OSBPL3: variants seen among roughly 807,000 people sequenced by gnomAD.
OSBPL3 encodes oxysterol binding protein like 3.
OSBPL3 carries 65 observed loss-of-function variants against 120.1 expected under a neutral mutation model. The ratio of observed to expected loss-of-function variants is 0.54; its 90% CI spans 0.44 to 0.67. The LOEUF (loss-of-function observed/expected upper bound fraction) is 0.67, where lower values mean the gene tolerates loss of function less well. Ranked by LOEUF, OSBPL3 falls within the 30% of genes least tolerant of loss-of-function variation. The pLI is 0.00. For missense variants in OSBPL3, 1,004 were observed against 1,082.1 expected (o/e 0.93, Z 1.01); for synonymous variants, 416 against 402.6 (o/e 1.03, Z -0.40).
In OSBPL3 at chr7:24,815,406, T is replaced by G. The variant is rs576023038; in HGVS notation, c.2028-203A>C. On this transcript the variant is annotated intron_variant, in intron 18 of 22. Transcript: ENST00000313367. The surrounding 1 kb of genome is among the most constrained non-coding windows in gnomAD (Gnocchi z 5.1). ...AAGGAGGCATGCATGCCACAGAGAA[T>G]GACAGCATTCAGACTTTGCACTCTG... is the stretch of plus-strand genomic sequence containing the variant. Among the ~76,000 whole-genome samples the G allele has an allele frequency of 2.6e-5, 4 of 152,300 alleles. No homozygotes were observed. In the South Asian group the frequency reaches 8.3e-4, roughly 32 times the overall value.
At chr7:24,882,401 C>T (rs1803835846) in intron 2 of OSBPL3, among the ~76,000 whole-genome samples, 1 of 152,156 alleles carries the variant, frequency 6.6e-6, no homozygotes, top group African/African-American at 2.4e-5. Context: ...TGACCTGGTC[C>T]AGTTCCATCC....
chr7:24,815,221 G>A lies in OSBPL3; in HGVS notation c.2028-18C>T, dbSNP rs377727563. ...CCCCAAAACTAAAAAGAAGGAAAAA[G>A]TAGAAGTACCAATTTCTAGAAGAGC... On this transcript the variant is annotated intron_variant, in intron 18 of 22. Transcript: ENST00000313367. The surrounding 1 kb of genome is among the most constrained non-coding windows in gnomAD (Gnocchi z 5.1). 248 of 1,607,452 alleles carry A rather than the reference G, an allele frequency of 1.5e-4. No homozygotes were observed. The highest frequency in any genetic ancestry group is 2.0e-4 in the Non-Finnish European group (239 of 1,176,958).
chr7:24,866,638 CA>C (rs113620003), intron 5 of OSBPL3, among the ~76,000 whole-genome samples: 30,583 of 148,932 alleles, frequency 0.21, 3,396 homozygotes, highest in East Asian at 0.39. Flanking sequence ...GAGACTGTCT[CA>C]AAAAAAAATA....
In OSBPL3 at chr7:24,834,374, A is replaced by C. The variant is rs1796739049; in HGVS notation, c.1746+112T>G. ...TGAGTAATGAACCTGTTTACGGAAC[A>C]ATCAAAATGAAACCGGAGGGAACAG... is the stretch of plus-strand genomic sequence containing the variant. On this transcript the variant is annotated intron_variant, in intron 15 of 22. Transcript: ENST00000313367. The surrounding 1 kb of genome is among the most constrained non-coding windows in gnomAD (Gnocchi z 5.2). The C allele has an allele frequency of 6.6e-7, 1 of 1,516,292 alleles. No homozygotes were observed. The allele number at this position is 1,516,292 out of a possible 1,614,324, so 93.9% of individuals were successfully genotyped here.
rs1801480046 is a variant in OSBPL3, at chr7:24,867,417, T to A, written c.382-1180A>T. Among the ~76,000 whole-genome samples the A allele has an allele frequency of 6.6e-6, 1 of 152,160 alleles. No homozygotes were observed. The highest frequency in any genetic ancestry group is 1.5e-5 in the Non-Finnish European group (1 of 68,020). Reference sequence around the variant, plus strand: ...GGCTGTGTCCCATGTCCCACCCAAATCTCATCCTGAATTCCCACATTTTGT... The same window carrying A: ...GGCTGTGTCCCATGTCCCACCCAAAACTCATCCTGAATTCCCACATTTTGT... On this transcript the variant is annotated intron_variant, in intron 5 of 22. Coordinates refer to ENST00000313367, the MANE Select transcript of OSBPL3 (RefSeq NM_015550.4). This position sits in a 1 kb window ranked among gnomAD's most constrained non-coding sequence, Gnocchi z 4.5.
At chr7:24,826,142 C>T (rs369751981) in intron 16 of OSBPL3, among the ~76,000 whole-genome samples, 3 of 152,174 alleles carry the variant, frequency 2.0e-5, no homozygotes, top group Non-Finnish European at 4.4e-5. Context: ...AGCAGGAGGA[C>T]GCAGCAAGCA....
intron 1 of OSBPL3, among the ~76,000 whole-genome samples, chr7:24,941,984 AG>A (rs1460857031): frequency 2.0e-5 from 3 of 152,274 alleles, no homozygotes; most frequent in African/African-American, 7.2e-5. Context: ...CTAAGGACTC[AG>A]GGCTGTGTTT....
chr7:24,901,698 C>T (rs193064773), intron 1 of OSBPL3, among the ~76,000 whole-genome samples: 2 of 152,158 alleles, frequency 1.3e-5, no homozygotes, highest in Non-Finnish European at 2.9e-5. Flanking sequence ...CTTTGGTATT[C>T]CTAAACCTCC....
At position 24,835,074 on chromosome 7, in the gene OSBPL3, T is replaced by A. The variant is rs1412206910; in HGVS notation, c.1496-338A>T. ...TGTTTATAAAAACTTGTAAACTTTT[T>A]AAAAAATCACTTTAAATTCTGGTAA... On this transcript the variant is annotated intron_variant, in intron 14 of 22. Coordinates refer to ENST00000313367, the MANE Select transcript of OSBPL3 (RefSeq NM_015550.4). The surrounding 1 kb of genome is among the most constrained non-coding windows in gnomAD (Gnocchi z 4.8). Among the ~76,000 whole-genome samples, 1 of 152,204 alleles carries A rather than the reference T, an allele frequency of 6.6e-6. No homozygotes were observed. The highest frequency in any genetic ancestry group is 1.5e-5 in the Non-Finnish European group (1 of 68,032).
Position 24,849,106 on chromosome 7 carries a change from G to A in OSBPL3, c.1229C>T (p.Ser410Phe), listed in dbSNP as rs746125120. 11 of 1,614,048 alleles carry A rather than the reference G, an allele frequency of 6.8e-6. No homozygotes were observed. Among genetic ancestry groups the A allele is most frequent in the Non-Finnish European group, 9.3e-6 (11 of 1,179,910 alleles). ...GTCACCCGACTTGGCGACAGCGGGG[G>A]AGTCGAGGAGCAGAGACTCGGCATG... ...RIHAESLLLD[S>F]PAVAKSGDNL... Residue 410 changes from serine to phenylalanine, a missense_variant, in exon 12 of 23, where the codon TCC becomes TTC. Physicochemically the swap from Ser to Phe is radical, Grantham distance 155. Around this residue, in one of 4 missense-constraint regions of OSBPL3, gnomAD observed 272 missense variants for 248.8 expected, o/e 1.09. Coordinates refer to ENST00000313367, the MANE Select transcript of OSBPL3 (RefSeq NM_015550.4). This position sits in a 1 kb window ranked among gnomAD's most constrained non-coding sequence, Gnocchi z 5.4.
At chr7:24,826,499 G>A (rs577041891) in intron 16 of OSBPL3, among the ~76,000 whole-genome samples, 1 of 152,242 alleles carries the variant, frequency 6.6e-6, no homozygotes, top group Non-Finnish European at 1.5e-5. Context: ...CAGTAGCTCT[G>A]AGCATAGTCA....
chr7:24,949,611 A>G (rs1814145830), intron 1 of OSBPL3, among the ~76,000 whole-genome samples: 1 of 152,134 alleles, frequency 6.6e-6, no homozygotes, highest in Admixed American at 6.5e-5. Flanking sequence ...GGTGGCCTCA[A>G]GCTGACAGCT....
chr7:24,904,030 A>G (rs1046445299), intron 1 of OSBPL3, among the ~76,000 whole-genome samples: 66 of 152,032 alleles, frequency 4.3e-4, no homozygotes, highest in African/African-American at 1.5e-3. Context: ...TTGCAGGTAT[A>G]TGCCACCACA....
intron 1 of OSBPL3, among the ~76,000 whole-genome samples, chr7:24,919,817 CAAAT>C (rs1243032478): frequency 6.6e-6 from 1 of 150,942 alleles, no homozygotes; most frequent in African/African-American, 2.4e-5. Context: ...AATAAAAAAA[CAAAT>C]AATCCAATAT....
rs1816306294 is a variant in OSBPL3 at position 24,965,785 on chromosome 7, A to G, written c.-150+14101T>C. 6.6e-6 allele frequency among the ~76,000 whole-genome samples: 1 copy of G among 152,102 alleles called. No individual in the cohort carries two copies. Among genetic ancestry groups the G allele is most frequent in the African/African-American group, 2.4e-5 (1 of 41,410 alleles). On this transcript the variant is annotated intron_variant, in intron 1 of 22. Transcript: ENST00000313367. The surrounding 1 kb of genome is among the most constrained non-coding windows in gnomAD (Gnocchi z 4.3). The stretch of plus-strand genomic sequence containing the variant: ...AGGCTGGTTTTGAACTCCTAACCTC[A>G]AGCAATCCTCCCACCTCAGCCTCCC...
intron 1 of OSBPL3, among the ~76,000 whole-genome samples, chr7:24,969,401 A>G (rs1816755756): frequency 6.6e-6 from 1 of 152,184 alleles, no homozygotes; most frequent in Non-Finnish European, 1.5e-5. Context: ...TATGCATTGC[A>G]ATTATTTTCC....
chr7:24,972,203 T>C lies in OSBPL3; in HGVS notation c.-150+7683A>G, dbSNP rs914205653. Among the ~76,000 whole-genome samples, 1 of 152,188 alleles carries C rather than the reference T, an allele frequency of 6.6e-6. No homozygotes were observed. The highest frequency in any genetic ancestry group is 1.5e-5 in the Non-Finnish European group (1 of 68,024). On this transcript the variant is annotated intron_variant, in intron 1 of 22. Coordinates refer to ENST00000313367, the MANE Select transcript of OSBPL3 (RefSeq NM_015550.4). The surrounding 1 kb of genome is among the most constrained non-coding windows in gnomAD (Gnocchi z 4.3). ...CAAATAAACAAACCTGTGTGTCGCA[T>C]CAGAGAGAGAAATTCAAAACCTCAA...
intron 22 of OSBPL3, among the ~76,000 whole-genome samples, chr7:24,800,923 T>C (rs932674044): frequency 7.3e-5 from 11 of 150,120 alleles, no homozygotes; most frequent in Admixed American, 2.0e-4. Flanking sequence ...AGGTTGTACA[T>C]AGGAAGTGGT....
At chr7:24,904,780 T>C (rs541678796) in intron 1 of OSBPL3, among the ~76,000 whole-genome samples, 7 of 151,966 alleles carry the variant, frequency 4.6e-5, no homozygotes, top group Non-Finnish European at 8.8e-5. Context: ...ATTCCACTTA[T>C]ATGAGATATT....
Sources: allele counts gnomAD v4.1 joint callset (sites outside exome capture counted in the v4.1 genomes callset), GRCh38; gene constraint gnomAD v4.1.1; regional missense constraint gnomAD v4.1.1; non-coding constraint Gnocchi (gnomAD v3.1); transcripts MANE v1.5; gene names NCBI Gene and HGNC (gene_info 2026-07-23, HGNC 2026-07-21).